MYH13: variants seen among roughly 807,000 people sequenced by gnomAD.
The protein encoded by MYH13 is myosin-13.
A neutral mutation model predicts 232.1 loss-of-function variants in MYH13; 177 were observed. The observed-to-expected ratio is 0.76, with a 90% CI of 0.67 to 0.86. MYH13 has a LOEUF of 0.86. Among genes scored for constraint, MYH13 ranks in the 40% least tolerant of loss-of-function variants. The pLI is 0.00. For synonymous variants in MYH13, 884 were observed against 923.5 expected, an observed-to-expected ratio of 0.96 and a Z score of 0.78; for missense variants, 2,246 against 2,405.9, an observed-to-expected ratio of 0.93 and a Z score of 1.39.
At chr17:10,336,402 C>A (rs1456830007) in intron 18 of MYH13, among the ~76,000 whole-genome samples, 1 of 152,194 alleles carries the variant, frequency 6.6e-6, no homozygotes, top group African/African-American at 2.4e-5. Context: ...CTCCTTTCTC[C>A]AGCCATCTTG....
chr17:10,368,253 C>T (rs1221115474), intron 2 of MYH13, among the ~76,000 whole-genome samples: 1 of 152,174 alleles, frequency 6.6e-6, no homozygotes, highest in African/African-American at 2.4e-5. Context: ...TATGCATTCT[C>T]ATTTATACTT....
chr17:10,360,797 T>C (rs766508863), intron 5 of MYH13, among the ~76,000 whole-genome samples: 2 of 152,134 alleles, frequency 1.3e-5, no homozygotes, highest in Non-Finnish European at 1.5e-5. Context: ...AAGCCCCTGA[T>C]CTAATATGAC....
At chr17:10,361,459 T>A (rs2071792738) in intron 5 of MYH13, among the ~76,000 whole-genome samples, 1 of 140,344 alleles carries the variant, frequency 7.1e-6, no homozygotes, top group Admixed American at 6.9e-5. Context: ...GACTGGCTAA[T>A]TTTTTTGTAT....
chr17:10,353,535 T>C (rs1003365099), intron 11 of MYH13, among the ~76,000 whole-genome samples: 6 of 152,092 alleles, frequency 3.9e-5, no homozygotes, highest in Non-Finnish European at 8.8e-5. Flanking sequence ...TAATTAAAAA[T>C]GTAAGCTCTG....
intron 11 of MYH13, among the ~76,000 whole-genome samples, chr17:10,351,220 C>CA (rs761244522): frequency 0.017 from 1,253 of 72,692 alleles, 72 homozygotes; most frequent in Middle Eastern, 0.025. Flanking sequence ...GACTCCATCT[C>CA]AAAAAAAAAA....
chr17:10,318,892 G>A lies in MYH13; in HGVS notation c.3636C>T (p.Asp1212=), dbSNP rs1906823946. The change falls in exon 27 of 41, where the codon GAC becomes GAT. Residue 1212 remains aspartate (D), a synonymous_variant. Coordinates refer to ENST00000252172, the MANE Select transcript of MYH13 (RefSeq NM_003802.3). ...GCTTCTGCTTCACCCGCTGCAGGTT[G>A]TCAATCTGCTCCCCAAGCTCGGCCA... The part of the protein sequence containing the change: ...DSVAELGEQI[D]NLQRVKQKLE... 1.2e-6 allele frequency: 2 copies of A among 1,614,168 alleles called. No individual in the cohort carries two copies. Among genetic ancestry groups the A allele is most frequent in the Non-Finnish European group, 1.7e-6 (2 of 1,180,040 alleles).
At chr17:10,300,994 G>A (rs372023064) in intron 40 of MYH13, 29 bp from the exon 41 acceptor site, 109 of 1,608,024 alleles carry the variant, frequency 6.8e-5, no homozygotes, top group Admixed American at 1.2e-4. Flanking sequence ...ATTGTACATA[G>A]GAAATGAGTC....
Position 10,306,054 on chromosome 17 carries a change from T to TC in MYH13, c.5466+404dup, listed in dbSNP as rs1342006563. 6.6e-6 allele frequency among the ~76,000 whole-genome samples: 1 copy of TC among 152,118 alleles called. No individual in the cohort carries two copies. Among genetic ancestry groups the TC allele is most frequent in the Non-Finnish European group, 1.5e-5 (1 of 68,028 alleles). On this transcript the variant is annotated intron_variant, in intron 37 of 40. Transcript: ENST00000252172. The surrounding 1 kb of genome is among the most constrained non-coding windows in gnomAD (Gnocchi z 4.3). ...CTGTGTTGATCAAAGTGAAGCTTGG[T>TC]CCAAAATGTAAATGCATCAAAATGA...
intron 23 of MYH13, 143 bp from the exon 24 acceptor site, chr17:10,321,851 C>G (rs996115249): frequency 2.9e-6 from 2 of 683,862 alleles, no homozygotes; most frequent in African/African-American, 1.8e-5. Flanking sequence ...AATTGACAGA[C>G]TCTCAGTTCT....
At position 10,362,393 on chromosome 17, in the gene MYH13, G is replaced by A; in HGVS notation, c.315C>T (p.Asn105=). The change falls in exon 4 of 41, where the codon AAC becomes AAT. Residue 105 remains asparagine (N), a synonymous_variant. Transcript: ENST00000252172. Reference sequence around the variant, plus strand: ...TCCAGGCTGCATAGCGCTCTTTGAGGTTGTACAGAACAGCAGGTTCATGCA... The same window carrying A: ...TCCAGGCTGCATAGCGCTCTTTGAGATTGTACAGAACAGCAGGTTCATGCA... ...THLHEPAVLY[N]LKERYAAWMI... 1 of 1,614,204 alleles carries A rather than the reference G, an allele frequency of 6.2e-7. No individual in the cohort carries two copies. Among genetic ancestry groups the A allele is most frequent in the Non-Finnish European group, 8.5e-7 (1 of 1,180,042 alleles).
chr17:10,360,141 T>C lies in MYH13; in HGVS notation c.533+20A>G. On this transcript the variant is annotated intron_variant, in intron 6 of 40. Transcript: ENST00000252172. ...GGCACTGGTTTCCAAGTCATGATGGTACAAAGAGGTGTTACTCACGTGATG... is the reference window on the plus strand; with the variant it reads ...GGCACTGGTTTCCAAGTCATGATGGCACAAAGAGGTGTTACTCACGTGATG... The C allele has an allele frequency of 1.2e-6, 2 of 1,614,092 alleles. No individual in the cohort carries two copies. The highest frequency in any genetic ancestry group is 1.1e-5 in the South Asian group (1 of 91,074).
At chr17:10,309,120 C>T in intron 35 of MYH13, 114 bp downstream of exon 35, 1 of 1,108,256 alleles carries the variant, frequency 9.0e-7, no homozygotes, top group Non-Finnish European at 1.2e-6. Context: ...AAACCGGGTG[C>T]TCCTTCCCAC....
chr17:10,366,381 G>GTTTTTTTTTTATT (rs2071837600), intron 2 of MYH13, among the ~76,000 whole-genome samples: 1 of 112,640 alleles, frequency 8.9e-6, no homozygotes, highest in Admixed American at 9.5e-5. Flanking sequence ...AAATAAATCT[G>GTTTTTTTTTTATT]TTTTTTTTTT....
intron 7 of MYH13, among the ~76,000 whole-genome samples, chr17:10,359,672 CCTTAA>C (rs2071776391): frequency 6.6e-6 from 1 of 151,874 alleles, no homozygotes; most frequent in Non-Finnish European, 1.5e-5. Flanking sequence ...AGGACTGAGC[CCTTAA>C]CTTGTGTGAT....
intron 7 of MYH13, 54 bp from the exon 8 acceptor site, chr17:10,357,881 G>A (rs1344837218): frequency 1.7e-5 from 25 of 1,487,944 alleles, no homozygotes; most frequent in Non-Finnish European, 2.2e-5. Context: ...TTCTAAAGTA[G>A]CCCCTTGATG....
chr17:10,305,370 A>G (rs1287649376), intron 37 of MYH13, among the ~76,000 whole-genome samples: 1 of 152,230 alleles, frequency 6.6e-6, no homozygotes, highest in African/African-American at 2.4e-5. Context: ...TAAACATTAA[A>G]GAATTTTGGG....
chr17:10,322,923 G>A lies in MYH13; in HGVS notation c.2934+1099C>T, dbSNP rs374496740. Among the ~76,000 whole-genome samples the A allele has an allele frequency of 5.5e-4, 83 of 152,154 alleles. 1 individual carries two copies. Among genetic ancestry groups the A allele is most frequent in the South Asian group, 2.3e-3 (11 of 4,818 alleles). On this transcript the variant is annotated intron_variant, in intron 23 of 40. Transcript: ENST00000252172. ...GCTGGGATTACAGGCATAAGCCACC[G>A]CACCTGGCCCTATATTTCATTTTCT... is the stretch of plus-strand genomic sequence containing the variant.
At chr17:10,359,326 C>T (rs960072191) in intron 7 of MYH13, among the ~76,000 whole-genome samples, 3 of 152,136 alleles carry the variant, frequency 2.0e-5, no homozygotes, top group African/African-American at 7.2e-5. Context: ...TGTAATGCAA[C>T]CTCTATAAAA....
intron 11 of MYH13, 66 bp downstream of exon 11, chr17:10,354,614 A>T: frequency 1.4e-6 from 2 of 1,426,406 alleles, no homozygotes; most frequent in South Asian, 2.4e-5. Flanking sequence ...TAGCTCACTA[A>T]CGTGTCTCTC....
Sources: allele counts gnomAD v4.1 joint callset (sites outside exome capture counted in the v4.1 genomes callset), GRCh38; gene constraint gnomAD v4.1.1; non-coding constraint Gnocchi (gnomAD v3.1); transcripts MANE v1.5; gene names NCBI Gene and HGNC (gene_info 2026-07-23, HGNC 2026-07-21).